TCP11L2: variants seen among roughly 807,000 people sequenced by gnomAD.
TCP11L2 encodes t-complex 11 like 2.
A neutral mutation model predicts 50.7 loss-of-function variants in TCP11L2; 39 were observed. The observed-to-expected ratio is 0.77, with a 90% CI of 0.60 to 1.01. TCP11L2 has a LOEUF of 1.01. TCP11L2 is among the 50% of genes least tolerant of loss of function. TCP11L2 has a pLI of 0.00. For missense variants in TCP11L2, 612 were observed against 614.7 expected, an observed-to-expected ratio of 1.00 and a Z score of 0.05; for synonymous variants, 192 against 219.3, an observed-to-expected ratio of 0.88 and a Z score of 1.10.
chr12:106,330,126 G>A (rs2035697002), intron 6 of TCP11L2: 1 of 985,380 alleles, frequency 1.0e-6, no homozygotes, highest in Non-Finnish European at 1.2e-6. Context: ...GGAAACCTTA[G>A]AACTGGGCCT....
chr12:106,312,359 G>A (rs573605113), intron 2 of TCP11L2: 1 of 1,228,464 alleles, frequency 8.1e-7, no homozygotes, highest in Non-Finnish European at 1.1e-6. Flanking sequence ...TGGATTATTG[G>A]ACCAAAGTAT....
chr12:106,325,860 C>T lies in TCP11L2; in HGVS notation c.772+2214C>T, dbSNP rs1294171196. ...GAGCCAAGGTCGCATCATTGCACTC[C>T]AGCCTGGGGGGCTGAGCAAGACTCC... On this transcript the variant is annotated intron_variant, in intron 6 of 9. Transcript: ENST00000299045. 3 of 140,214 alleles carry T rather than the reference C, an allele frequency of 2.1e-5. No individual in the cohort carries two copies. In the East Asian group the frequency reaches 6.5e-4, roughly 30 times the overall value. The allele number at this position is 140,214 out of a possible 1,614,324, so 8.7% of individuals were successfully genotyped here. A position where few individuals can be genotyped will look rare whatever the true frequency, so the allele number is the denominator to read the frequency against.
chr12:106,327,991 T>G (rs2035616942), intron 6 of TCP11L2, among the ~76,000 whole-genome samples: 1 of 152,228 alleles, frequency 6.6e-6, no homozygotes, highest in Non-Finnish European at 1.5e-5. Flanking sequence ...GGGCCATAAG[T>G]AATTTTTAAG....
intron 6 of TCP11L2, among the ~76,000 whole-genome samples, chr12:106,333,710 A>G (rs2035819497): frequency 6.6e-6 from 1 of 152,166 alleles, no homozygotes; most frequent in East Asian, 1.9e-4. Flanking sequence ...AAATACTAAA[A>G]ACGCTTCACT....
chr12:106,337,828 C>G (rs553965632), intron 8 of TCP11L2, among the ~76,000 whole-genome samples: 1 of 152,336 alleles, frequency 6.6e-6, no homozygotes, highest in East Asian at 1.9e-4. Context: ...TGAATGCTAG[C>G]TATTAATAAC....
upstream of TCP11L2, among the ~76,000 whole-genome samples, chr12:106,300,269 G>C (rs1430258053): frequency 6.6e-6 from 1 of 151,904 alleles, no homozygotes; most frequent in Non-Finnish European, 1.5e-5. Context: ...TGTGATACAA[G>C]GCTCATTTTT....
At chr12:106,301,128 A>G (rs1269665545), upstream of TCP11L2, among the ~76,000 whole-genome samples, 3 of 152,186 alleles carry the variant, frequency 2.0e-5, no homozygotes, top group Non-Finnish European at 4.4e-5. Flanking sequence ...GGCTTCTGTC[A>G]TTCTGATTAC....
intron 1 of TCP11L2, among the ~76,000 whole-genome samples, chr12:106,305,967 G>A (rs940990143): frequency 7.9e-5 from 12 of 152,178 alleles, no homozygotes; most frequent in African/African-American, 2.9e-4. Flanking sequence ...CTTAGGAAAA[G>A]GGAACCCACC....
intron 1 of TCP11L2, among the ~76,000 whole-genome samples, chr12:106,307,860 GT>G (rs1277699599): frequency 6.6e-6 from 1 of 152,182 alleles, no homozygotes; most frequent in Non-Finnish European, 1.5e-5. Flanking sequence ...TTTGTATACT[GT>G]TTACTGTGTC....
chr12:106,305,716 G>C (rs964859632), intron 1 of TCP11L2, among the ~76,000 whole-genome samples: 4 of 152,188 alleles, frequency 2.6e-5, no homozygotes, highest in Admixed American at 2.0e-4. Context: ...AATCAGGGAA[G>C]GTTACCTCGT....
At chr12:106,304,304 C>G (rs1326185731) in intron 1 of TCP11L2, 1 of 152,324 alleles carries the variant, frequency 6.6e-6, no homozygotes, top group Non-Finnish European at 1.5e-5. Context: ...GAATCCTTCT[C>G]CCTGATGCTG....
intron 9 of TCP11L2, among the ~76,000 whole-genome samples, chr12:106,341,666 C>T (rs922554464): frequency 2.6e-5 from 4 of 152,222 alleles, no homozygotes; most frequent in South Asian, 2.1e-4. Flanking sequence ...CTAGTTTTCC[C>T]GCCTCCAGCT....
At chr12:106,331,152 CTTGACT>C (rs2035734223) in intron 6 of TCP11L2, among the ~76,000 whole-genome samples, 1 of 152,116 alleles carries the variant, frequency 6.6e-6, no homozygotes. Context: ...CCTTTCCCAT[CTTGACT>C]TCTGGAATAG....
chr12:106,342,775 C>T lies in TCP11L2; in HGVS notation c.1315+1777C>T, dbSNP rs540201787. ...TTCCCCAGCCTGTCTGACTCCAGAG[C>T]TCATGTTCCTAACTGCTCTGACTGG... is the stretch of plus-strand genomic sequence containing the variant. On this transcript the variant is annotated intron_variant, in intron 9 of 9. Transcript: ENST00000299045. Among the ~76,000 whole-genome samples the T allele has an allele frequency of 5.0e-4, 76 of 152,282 alleles. 1 individual carries two copies. Among genetic ancestry groups the T allele is most frequent in the Admixed American group, 2.1e-3 (32 of 15,300 alleles).
rs187609816 is a variant in TCP11L2, at chr12:106,310,360, A to G, written c.-35-681A>G. ...AACCATATATCAGGTCTTAATCTTC[A>G]TATCACAGCAGTTCATGTGGAAATG... On this transcript the variant is annotated intron_variant, in intron 1 of 9. Transcript: ENST00000299045. Among the ~76,000 whole-genome samples, 86 of 152,290 alleles carry G rather than the reference A, an allele frequency of 5.6e-4. 1 individual carries two copies. The highest frequency in any genetic ancestry group is 1.9e-3 in the African/African-American group (80 of 41,566).
upstream of TCP11L2, among the ~76,000 whole-genome samples, chr12:106,300,574 C>T (rs1405632900): frequency 2.0e-5 from 3 of 152,206 alleles, no homozygotes; most frequent in Non-Finnish European, 4.4e-5. Flanking sequence ...TTGTGATCCA[C>T]CTGCCTCGGC....
At position 106,335,776 on chromosome 12, in the gene TCP11L2, A is replaced by G. The variant is rs1163005456; in HGVS notation, c.910A>G (p.Ser304Gly). The G allele has an allele frequency of 1.2e-6, 2 of 1,614,108 alleles. No homozygotes were observed. The highest frequency in any genetic ancestry group is 2.7e-5 in the African/African-American group (2 of 74,944). Reference protein sequence around the residue: ...SLSPTLVLNNSYLKLLQWDYQ... With the variant: ...SLSPTLVLNNGYLKLLQWDYQ... Reference sequence around the variant, plus strand: ...GAGCCCTACTTTGGTGCTAAATAATAGTTACTTGAAACTGTTACAGTGGGA... The same window carrying G: ...GAGCCCTACTTTGGTGCTAAATAATGGTTACTTGAAACTGTTACAGTGGGA... Residue 304 changes from serine (S) to glycine (G), a missense_variant, in exon 7 of 10, where the codon AGT becomes GGT. Transcript: ENST00000299045.
At chr12:106,305,203 G>A (rs2034579950) in intron 1 of TCP11L2, among the ~76,000 whole-genome samples, 1 of 151,908 alleles carries the variant, frequency 6.6e-6, no homozygotes, top group African/African-American at 2.4e-5. Flanking sequence ...ATAAAATGGG[G>A]ATAATACTGA....
chr12:106,312,404 T>C, intron 2 of TCP11L2: 1 of 1,231,670 alleles, frequency 8.1e-7, no homozygotes, highest in Non-Finnish European at 1.0e-6. Context: ...GAGTCAGACC[T>C]GGCAAAAGAA....
Sources: allele counts gnomAD v4.1 joint callset (sites outside exome capture counted in the v4.1 genomes callset), GRCh38; gene constraint gnomAD v4.1.1; transcripts MANE v1.5; gene names NCBI Gene and HGNC (gene_info 2026-07-23, HGNC 2026-07-21).